Variants in MAP4 observed in about 807,000 individuals in gnomAD.
The protein encoded by MAP4 is microtubule-associated protein 4.
Under a neutral mutation model 170.2 loss-of-function variants are expected in MAP4, and 76 were observed. That is an observed-to-expected ratio of 0.45 (90% CI 0.37 to 0.54). MAP4 has a LOEUF of 0.54. Ranked by LOEUF, MAP4 falls within the 20% of genes least tolerant of loss-of-function variation. The pLI is 0.00. For missense variants in MAP4, 2,506 were observed against 2,748.0 expected (o/e 0.91, Z 1.97); for synonymous variants, 909 against 994.5 (o/e 0.91, Z 1.62).
Position 47,875,672 on chromosome 3 carries a change from G to T in MAP4, c.5757+13C>A. On this transcript the variant is annotated intron_variant, in intron 12 of 20. Transcript: ENST00000683076. ...ACAATTTTCCTCGGCACAGTAGTTA[G>T]GTGACCACTTACCTTTGGCTTCACG... 6.2e-7 allele frequency: 1 copy of T among 1,609,002 alleles called. No homozygotes were observed.
At chr3:47,878,661 C>T (rs1439714879) in intron 10 of MAP4, among the ~76,000 whole-genome samples, 3 of 152,112 alleles carry the variant, frequency 2.0e-5, no homozygotes, top group Non-Finnish European at 4.4e-5. Flanking sequence ...GCCTCAGCCT[C>T]CCAAGTAGCT....
Position 47,910,901 on chromosome 3 carries a change from T to G in MAP4, c.3520A>C (p.Thr1174Pro). The G allele has an allele frequency of 6.5e-7, 1 of 1,536,136 alleles. No individual in the cohort carries two copies. The highest frequency in any genetic ancestry group is 1.2e-5 in the South Asian group (1 of 84,066). The change falls in exon 9 of 21, where the codon ACA becomes CCA. Residue 1174 changes from threonine (T) to proline (P), a missense_variant. Transcript: ENST00000683076. ...TCTTTGACTACATCTCCTGTTTCTG[T>G]GCTAACACCAGAAGTCTGAGTCATG... ...SGMTQTSGVSTETGDVVKDMG... is the reference protein window; with the variant it reads ...SGMTQTSGVSPETGDVVKDMG...
intron 1 of MAP4, among the ~76,000 whole-genome samples, chr3:48,044,082 G>A (rs1466369407): frequency 6.6e-6 from 1 of 151,818 alleles, no homozygotes; most frequent in Non-Finnish European, 1.5e-5. Context: ...CTGACCTCGT[G>A]ATCTGCCCAC....
chr3:48,082,797 CA>C (rs1294638726), intron 1 of MAP4, among the ~76,000 whole-genome samples: 625 of 49,038 alleles, frequency 0.013, 3 homozygotes, highest in African/African-American at 0.031. Context: ...GACTTTGTCT[CA>C]AAAAAAAAAA....
chr3:47,899,179 G>C (rs2100028672), intron 10 of MAP4, among the ~76,000 whole-genome samples: 1 of 152,180 alleles, frequency 6.6e-6, no homozygotes, highest in African/African-American at 2.4e-5. Context: ...TAGGTAAAAA[G>C]AAACACACTT....
chr3:47,916,400 T>G lies in MAP4; in HGVS notation c.1427A>C (p.Lys476Thr). Residue 476 changes from lysine (K) to threonine (T), a missense_variant, in exon 7 of 21, where the codon AAG (lysine) becomes ACG (threonine). Physicochemically the swap from Lys to Thr is moderately conservative, Grantham distance 78. Transcript: ENST00000683076. ...TGTTTCTGGGAGTTGAGCCATGTCC[T>G]TGACTGGGGCCACCTCTGCTTCTAA... ...LPLEAEVAPVKDMAQLPETEI... is the reference protein window; with the variant it reads ...LPLEAEVAPVTDMAQLPETEI... 1 of 1,614,244 alleles carries G rather than the reference T, an allele frequency of 6.2e-7. No homozygotes were observed. The highest frequency in any genetic ancestry group is 8.5e-7 in the Non-Finnish European group (1 of 1,180,036).
At chr3:48,001,921 G>A (rs1287095675) in intron 1 of MAP4, among the ~76,000 whole-genome samples, 1 of 150,258 alleles carries the variant, frequency 6.7e-6, no homozygotes, top group Non-Finnish European at 1.5e-5. Flanking sequence ...TTGTTGCCCA[G>A]GCTGGAGTGC....
At chr3:47,880,489 A>T (rs1302592985) in intron 10 of MAP4, among the ~76,000 whole-genome samples, 2 of 80,444 alleles carry the variant, frequency 2.5e-5, no homozygotes, top group Admixed American at 1.3e-4. Context: ...TTTTTTTTTA[A>T]GAGATGAAGT....
At chr3:47,996,891 G>A (rs2154365538) in intron 2 of MAP4, among the ~76,000 whole-genome samples, 1 of 152,112 alleles carries the variant, frequency 6.6e-6, no homozygotes, top group Admixed American at 6.6e-5. Flanking sequence ...GTGAACAGAT[G>A]GGAAATTTTG....
chr3:48,066,780 TGTC>T (rs915445345), intron 1 of MAP4, among the ~76,000 whole-genome samples: 3 of 148,078 alleles, frequency 2.0e-5, no homozygotes, highest in Non-Finnish European at 4.4e-5. Flanking sequence ...TGAAAATAGC[TGTC>T]CCCACCTCTT....
intron 3 of MAP4, among the ~76,000 whole-genome samples, chr3:47,945,686 CT>C (rs2100059348): frequency 6.6e-6 from 1 of 151,776 alleles, no homozygotes; most frequent in African/African-American, 2.4e-5. Flanking sequence ...ATTTTATTTA[CT>C]TTTTTTGCTG....
Position 47,868,148 on chromosome 3 carries a change from G to A in MAP4, c.6409-810C>T, listed in dbSNP as rs544399897. Among the ~76,000 whole-genome samples, 5 of 152,290 alleles carry A rather than the reference G, an allele frequency of 3.3e-5. No homozygotes were observed. In the South Asian group the frequency reaches 6.2e-4, roughly 19 times the overall value. On this transcript the variant is annotated intron_variant, in intron 16 of 20. Coordinates refer to ENST00000683076, the MANE Select transcript of MAP4 (RefSeq NM_001385682.1). ...GGGGCACAACCACACTGTATAGTAC[G>A]GGAATGGCTTCCCCTGGAACTGAGA...
At chr3:47,915,095 G>A (rs1351425496) in intron 7 of MAP4, among the ~76,000 whole-genome samples, 156 bp from the exon 8 acceptor site, 2 of 151,936 alleles carry the variant, frequency 1.3e-5, no homozygotes, top group African/African-American at 4.8e-5. Flanking sequence ...AAGTTGGGAA[G>A]GTATGTCTAG....
At chr3:47,986,829 T>C (rs1440055375) in intron 2 of MAP4, among the ~76,000 whole-genome samples, 4 of 152,312 alleles carry the variant, frequency 2.6e-5, no homozygotes, top group Admixed American at 1.3e-4. Flanking sequence ...TCCCTAAATA[T>C]GATCATGAGA....
intron 2 of MAP4, among the ~76,000 whole-genome samples, chr3:47,997,910 C>A (rs1407939915): frequency 6.6e-6 from 1 of 152,142 alleles, no homozygotes; most frequent in East Asian, 1.9e-4. Context: ...TGGAATAGTT[C>A]TATGATCTCT....
intron 1 of MAP4, among the ~76,000 whole-genome samples, chr3:48,058,064 C>G (rs1181573149): frequency 6.6e-6 from 1 of 152,182 alleles, no homozygotes; most frequent in Admixed American, 6.5e-5. Flanking sequence ...ATTGAACATA[C>G]AATCAGCACT....
chr3:47,912,553 T>C, intron 8 of MAP4, 132 bp from the exon 9 acceptor site: 1 of 652,162 alleles, frequency 1.5e-6, no homozygotes, highest in Non-Finnish European at 2.3e-6. Context: ...ATATAGTACT[T>C]ACTGTAATTT....
At chr3:47,886,913 T>C (rs1028146408) in intron 10 of MAP4, among the ~76,000 whole-genome samples, 2 of 152,278 alleles carry the variant, frequency 1.3e-5, no homozygotes, top group Non-Finnish European at 2.9e-5. Flanking sequence ...TTTCAACTCT[T>C]TGTCTTCCAG....
intron 2 of MAP4, chr3:47,987,514 C>T: frequency 3.3e-6 from 3 of 915,322 alleles, no homozygotes; most frequent in Non-Finnish European, 4.8e-6. Flanking sequence ...TTTAGAACAA[C>T]AACTCTAGCA....
Sources: allele counts gnomAD v4.1 joint callset (sites outside exome capture counted in the v4.1 genomes callset), GRCh38; gene constraint gnomAD v4.1.1; transcripts MANE v1.5; gene names NCBI Gene and HGNC (gene_info 2026-07-23, HGNC 2026-07-21).